The following CTNNA2 variants were observed in gnomAD, a reference collection of about 807,000 sequenced individuals.
CTNNA2 encodes the protein catenin alpha 2.
In CTNNA2, 42 loss-of-function variants were observed where a neutral mutation model predicts 101.0. The observed-to-expected ratio is 0.42, with a 90% CI of 0.32 to 0.54. The LOEUF (loss-of-function observed/expected upper bound fraction) is 0.54, where lower values mean the gene tolerates loss of function less well. Ranked by LOEUF, CTNNA2 falls within the 20% of genes least tolerant of loss-of-function variation. The pLI is 0.14. For missense variants in CTNNA2, 871 were observed against 1,223.1 expected (o/e 0.71, Z 4.29); for synonymous variants, 450 against 456.4 (o/e 0.99, Z 0.18).
At chr2:79,450,567 G>T (rs1198952988) in intron 4 of CTNNA2, among the ~76,000 whole-genome samples, 1 of 152,028 alleles carries the variant, frequency 6.6e-6, no homozygotes, top group Non-Finnish European at 1.5e-5. Context: ...TTTGAATCAA[G>T]TTATAATAGA....
intron 9 of CTNNA2, among the ~76,000 whole-genome samples, chr2:80,424,933 T>G (rs1680862892): frequency 6.6e-6 from 1 of 152,202 alleles, no homozygotes. Flanking sequence ...CCAAGTTGGC[T>G]GCCTCAGCGG....
intron 13 of CTNNA2, 138 bp downstream of exon 13, chr2:80,574,452 A>G (rs976336071): frequency 2.9e-6 from 3 of 1,034,236 alleles, no homozygotes; most frequent in Non-Finnish European, 2.7e-6. Flanking sequence ...TAGTCAGACA[A>G]GGTGAGCTTT....
rs984379000 is a variant in CTNNA2 at position 80,619,104 on chromosome 2, T to G, written c.2450T>G (p.Phe817Cys). The G allele has an allele frequency of 6.5e-7, 1 of 1,532,984 alleles. No homozygotes were observed. The highest frequency in any genetic ancestry group is 1.2e-5 in the South Asian group (1 of 81,426). 95.0% of individuals were successfully genotyped at this position (1,532,984 alleles called of 1,614,324 possible). The change falls in exon 18 of 19, where the codon TTC becomes TGC. Residue 817 changes from phenylalanine (F) to cysteine (C), a missense_variant. By Grantham distance (205) the Phe-to-Cys change is radical. Transcript: ENST00000402739. ...AATCAGACAGGAGTTCAGAGCACTT[T>G]CACTACCTTTTATGAGGTAGATTGT... is the stretch of plus-strand genomic sequence containing the variant. Reference protein sequence around the residue: ...IVSGTGVQSTFTTFYEVDCDV... With the variant: ...IVSGTGVQSTCTTFYEVDCDV...
intron 7 of CTNNA2, among the ~76,000 whole-genome samples, chr2:80,109,453 T>G (rs1355284426): frequency 2.0e-5 from 3 of 150,954 alleles, no homozygotes; most frequent in African/African-American, 7.4e-5. Context: ...AGAGTGAGAC[T>G]CTGTCTCAAG....
chr2:80,030,403 T>A (rs1371184987), intron 7 of CTNNA2: 2 of 152,170 alleles, frequency 1.3e-5, no homozygotes, highest in Admixed American at 6.5e-5. Context: ...TTCTTGATTA[T>A]CCTGACTTGA....
intron 3 of CTNNA2, among the ~76,000 whole-genome samples, chr2:79,818,201 A>T (rs893629535): frequency 2.0e-5 from 3 of 152,188 alleles, no homozygotes; most frequent in Admixed American, 6.5e-5. Flanking sequence ...CTCTTTGTTC[A>T]CTTTCATATT....
chr2:80,313,110 T>C (rs927106456), intron 7 of CTNNA2, among the ~76,000 whole-genome samples: 1 of 152,202 alleles, frequency 6.6e-6, no homozygotes, highest in Non-Finnish European at 1.5e-5. Flanking sequence ...AACTCTTGAG[T>C]TGAAGTCACA....
chr2:79,851,689 C>T (rs542939268), intron 3 of CTNNA2, among the ~76,000 whole-genome samples: 3 of 123,350 alleles, frequency 2.4e-5, no homozygotes, highest in African/African-American at 6.3e-5. Flanking sequence ...AATTTTTGCC[C>T]TTTTTCTCAT....
Position 80,210,842 on chromosome 2 carries a change from AG to A in CTNNA2, c.1057-182368del, listed in dbSNP as rs527362842. On this transcript the variant is annotated intron_variant, in intron 7 of 18. Transcript: ENST00000402739. Reference sequence around the variant, plus strand: ...TTTACAGTCCCACCAACAGTGTAAAAGTGTTCCTATTTCTCCACATCCTCTC... The same window carrying A: ...TTTACAGTCCCACCAACAGTGTAAAATGTTCCTATTTCTCCACATCCTCTC... Among the ~76,000 whole-genome samples, 100 of 152,282 alleles carry A rather than the reference AG, an allele frequency of 6.6e-4. 1 individual carries two copies. The highest frequency in any genetic ancestry group is 2.4e-3 in the African/African-American group (98 of 41,548).
intron 2 of CTNNA2, among the ~76,000 whole-genome samples, chr2:79,737,509 C>T (rs1359623204): frequency 6.6e-6 from 1 of 152,134 alleles, no homozygotes; most frequent in Non-Finnish European, 1.5e-5. Flanking sequence ...TGATCAGAAG[C>T]TCTGTGGGTA....
chr2:80,562,127 C>T (rs1558589590), intron 12 of CTNNA2, among the ~76,000 whole-genome samples: 1 of 132,020 alleles, frequency 7.6e-6, no homozygotes, highest in Non-Finnish European at 1.8e-5. Context: ...GGTTATTTCA[C>T]TATCTTAGGA....
chr2:80,226,132 A>T (rs1384667941), intron 7 of CTNNA2, among the ~76,000 whole-genome samples: 3 of 152,182 alleles, frequency 2.0e-5, no homozygotes, highest in Non-Finnish European at 2.9e-5. Context: ...ATGGCCTTCC[A>T]TGACTTCAGC....
chr2:79,690,633 G>T (rs755922812), intron 2 of CTNNA2, among the ~76,000 whole-genome samples: 32 of 151,874 alleles, frequency 2.1e-4, no homozygotes, highest in Non-Finnish European at 3.7e-4. Context: ...GATCAGCTAG[G>T]TATGTATTAT....
chr2:79,269,966 G>A (rs2104297683), intron 2 of CTNNA2, among the ~76,000 whole-genome samples: 1 of 152,228 alleles, frequency 6.6e-6, no homozygotes, highest in South Asian at 2.1e-4. Flanking sequence ...ATGGCCACTG[G>A]TGGCTGGGGA....
At chr2:80,538,943 C>A (rs1322798031) in intron 9 of CTNNA2, among the ~76,000 whole-genome samples, 3 of 152,130 alleles carry the variant, frequency 2.0e-5, no homozygotes, top group Non-Finnish European at 2.9e-5. Flanking sequence ...TCCTTCACAT[C>A]CCTTGAAAAT....
chr2:80,012,043 T>A (rs745981547), intron 7 of CTNNA2, among the ~76,000 whole-genome samples: 1 of 152,134 alleles, frequency 6.6e-6, no homozygotes, highest in Non-Finnish European at 1.5e-5. Context: ...CAGATGTACG[T>A]TTACAGGCCT....
At chr2:79,604,150 A>C (rs759386380) in intron 1 of CTNNA2, among the ~76,000 whole-genome samples, 1 of 152,198 alleles carries the variant, frequency 6.6e-6, no homozygotes, top group Non-Finnish European at 1.5e-5. Context: ...CTCAGTGTGT[A>C]TGTCTGTGTG....
chr2:80,305,675 G>C (rs924830284), intron 7 of CTNNA2, among the ~76,000 whole-genome samples: 1 of 151,998 alleles, frequency 6.6e-6, no homozygotes, highest in East Asian at 1.9e-4. Flanking sequence ...TTATAGATAG[G>C]AGTCCTTACA....
chr2:80,556,921 C>G (rs916983009), intron 12 of CTNNA2, among the ~76,000 whole-genome samples: 2 of 152,140 alleles, frequency 1.3e-5, no homozygotes, highest in Admixed American at 6.5e-5. Context: ...AAATAGCCAT[C>G]TCTGAAAGGT....
Sources: gnomAD v4.1 joint callset for allele counts (sites outside exome capture counted in the v4.1 genomes callset) on GRCh38, gnomAD v4.1.1 for gene constraint, MANE v1.5 for transcripts, NCBI Gene and HGNC (gene_info 2026-07-23, HGNC 2026-07-21) for gene names.